AGBL4: variants seen among roughly 807,000 people sequenced by gnomAD.
The protein encoded by AGBL4 is cytosolic carboxypeptidase 6.
In AGBL4, 58 loss-of-function variants were observed where a neutral mutation model predicts 66.4. The ratio of observed to expected loss-of-function variants is 0.87; its 90% CI spans 0.71 to 1.09. The LOEUF (loss-of-function observed/expected upper bound fraction) is 1.09, where lower values mean the gene tolerates loss of function less well. AGBL4 is among the 50% of genes least tolerant of loss of function. The probability of loss-of-function intolerance (pLI) is 0.00; values close to 1 mark genes in which losing one functional copy is unlikely to be tolerated. For synonymous variants in AGBL4, 234 were observed against 222.9 expected, an observed-to-expected ratio of 1.05 and a Z score of -0.44; for missense variants, 579 against 631.0, an observed-to-expected ratio of 0.92 and a Z score of 0.88.
chr1:49,439,865 T>C (rs1356211688), intron 3 of AGBL4, among the ~76,000 whole-genome samples: 1 of 152,180 alleles, frequency 6.6e-6, no homozygotes, highest in Non-Finnish European at 1.5e-5. Context: ...CGTAAGTTAA[T>C]ACTTAATGAA....
At chr1:48,823,949 GA>G (rs1283851223) in intron 6 of AGBL4, among the ~76,000 whole-genome samples, 1 of 151,994 alleles carries the variant, frequency 6.6e-6, no homozygotes, top group African/African-American at 2.4e-5. Context: ...ATACATAAGA[GA>G]AAAGGATGGT....
Position 48,800,074 on chromosome 1 carries a change from TA to T in AGBL4, c.634+67116del, listed in dbSNP as rs559689454. 2.0e-4 allele frequency among the ~76,000 whole-genome samples: 31 copies of T among 152,360 alleles called. 1 individual carries two copies. The South Asian group carries it at 6.4e-3, about 32-fold the overall frequency. The stretch of plus-strand genomic sequence containing the variant: ...TTTGGAATAGTTTCAGTAGGATTGG[TA>T]CCAATTCTTCTTTGAATGCCTGATA... On this transcript the variant is annotated intron_variant, in intron 6 of 13. Coordinates refer to ENST00000371839, the MANE Select transcript of AGBL4 (RefSeq NM_032785.4).
intron 3 of AGBL4, among the ~76,000 whole-genome samples, chr1:49,655,374 T>C (rs1646103377): frequency 4.6e-5 from 7 of 152,210 alleles, no homozygotes; most frequent in Admixed American, 4.6e-4. Context: ...TTAACATTTT[T>C]TCCTTCATTT....
chr1:49,953,432 T>C (rs1656327799), intron 1 of AGBL4, among the ~76,000 whole-genome samples: 1 of 151,988 alleles, frequency 6.6e-6, no homozygotes, highest in Non-Finnish European at 1.5e-5. Context: ...ACTTTTATGC[T>C]ATTTTACTGC....
intron 3 of AGBL4, among the ~76,000 whole-genome samples, chr1:49,642,063 G>GAAA (rs34562531): frequency 0.69 from 103,819 of 151,386 alleles, 36,356 homozygotes; most frequent in African/African-American, 0.79. Context: ...TAGAAAACTA[G>GAAA]GGAGCAATTA....
At chr1:49,569,404 G>C (rs1031639251) in intron 3 of AGBL4, among the ~76,000 whole-genome samples, 2 of 152,086 alleles carry the variant, frequency 1.3e-5, no homozygotes, top group Non-Finnish European at 2.9e-5. Context: ...ATAAATGCTT[G>C]AGGAGATGGA....
At chr1:49,097,814 C>T (rs1050337875) in intron 4 of AGBL4, among the ~76,000 whole-genome samples, 5 of 152,212 alleles carry the variant, frequency 3.3e-5, no homozygotes, top group Admixed American at 6.5e-5. Context: ...CTCTTGGCCT[C>T]AAGTAATCTG....
At chr1:49,190,718 T>G (rs376078418) in intron 4 of AGBL4, among the ~76,000 whole-genome samples, 10 of 152,328 alleles carry the variant, frequency 6.6e-5, no homozygotes, top group Admixed American at 3.9e-4. Flanking sequence ...TCACTGTTTT[T>G]GTCCGTTTCC....
intron 3 of AGBL4, among the ~76,000 whole-genome samples, chr1:49,509,343 T>C (rs1332336964): frequency 6.6e-6 from 1 of 151,938 alleles, no homozygotes; most frequent in Non-Finnish European, 1.5e-5. Context: ...TCAGGGCCTG[T>C]ATTGAGTATT....
At chr1:48,855,697 G>C in intron 6 of AGBL4, among the ~76,000 whole-genome samples, 1 of 151,632 alleles carries the variant, frequency 6.6e-6, no homozygotes, top group South Asian at 2.1e-4. Flanking sequence ...ATTTATGGTA[G>C]AGTTATTTAT....
intron 6 of AGBL4, among the ~76,000 whole-genome samples, chr1:48,810,284 T>C (rs947859409): frequency 3.3e-5 from 5 of 152,202 alleles, no homozygotes; most frequent in African/African-American, 1.2e-4. Context: ...GTGGGCAAGC[T>C]GAAAGGACAA....
rs532980793 is a variant in AGBL4, at chr1:49,778,849, C to T, written c.157+72547G>A. 4.7e-4 allele frequency among the ~76,000 whole-genome samples: 72 copies of T among 152,258 alleles called. 1 individual carries two copies. The South Asian group carries it at 0.014, about 30-fold the overall frequency. On this transcript the variant is annotated intron_variant, in intron 2 of 13. Coordinates refer to ENST00000371839, the MANE Select transcript of AGBL4 (RefSeq NM_032785.4). ...GGGAGGCAAGGGTTGAAAACTAACACGTATAATATTTACTATTTGGGTTAT... is the reference window on the plus strand; with the variant it reads ...GGGAGGCAAGGGTTGAAAACTAACATGTATAATATTTACTATTTGGGTTAT...
At position 49,965,463 on chromosome 1, in the gene AGBL4, C is replaced by T. The variant is rs1181951493; in HGVS notation, c.34+58300G>A. ...TGGCACTCAATCCTTTTCATGTAAC[C>T]TCTTCATAGTGATAGTCCCTTTTCC... On this transcript the variant is annotated intron_variant, in intron 1 of 13. Coordinates refer to ENST00000371839, the MANE Select transcript of AGBL4 (RefSeq NM_032785.4). Among the ~76,000 whole-genome samples, 3 of 152,144 alleles carry T rather than the reference C, an allele frequency of 2.0e-5. No individual in the cohort carries two copies. In the East Asian group the frequency reaches 5.8e-4, roughly 29 times the overall value.
At chr1:49,062,378 T>A (rs902552179) in intron 4 of AGBL4, among the ~76,000 whole-genome samples, 7 of 152,202 alleles carry the variant, frequency 4.6e-5, no homozygotes, top group Admixed American at 1.3e-4. Context: ...ACATGCATCA[T>A]ACTTCATTAT....
At chr1:49,269,528 AG>A (rs1321019942) in intron 3 of AGBL4, among the ~76,000 whole-genome samples, 1 of 152,132 alleles carries the variant, frequency 6.6e-6, no homozygotes, top group Non-Finnish European at 1.5e-5. Flanking sequence ...ACACTTTTAA[AG>A]GTCTGATAAT....
At chr1:48,584,622 AG>A (rs1644789878) in intron 11 of AGBL4, 1 of 152,658 alleles carries the variant, frequency 6.6e-6, no homozygotes, top group Non-Finnish European at 1.5e-5. Context: ...AGGCTGAGGC[AG>A]GGGAATCGCT....
intron 2 of AGBL4, among the ~76,000 whole-genome samples, chr1:49,743,351 A>G (rs1332812969): frequency 6.6e-6 from 1 of 152,236 alleles, no homozygotes; most frequent in African/African-American, 2.4e-5. Flanking sequence ...AACCACAATG[A>G]GATACCATCT....
intron 3 of AGBL4, among the ~76,000 whole-genome samples, chr1:49,557,276 A>G (rs1010415299): frequency 6.6e-6 from 1 of 152,138 alleles, no homozygotes; most frequent in African/African-American, 2.4e-5. Context: ...AAGGACACCA[A>G]TTTAACAACT....
chr1:48,975,687 G>A (rs183769570), intron 5 of AGBL4, among the ~76,000 whole-genome samples: 8 of 152,150 alleles, frequency 5.3e-5, no homozygotes, highest in Admixed American at 2.6e-4. Flanking sequence ...GTGATATAGC[G>A]GCATACAAGG....
Sources: gnomAD v4.1 joint callset for allele counts (sites outside exome capture counted in the v4.1 genomes callset) on GRCh38, gnomAD v4.1.1 for gene constraint, MANE v1.5 for transcripts, NCBI Gene and HGNC (gene_info 2026-07-23, HGNC 2026-07-21) for gene names.